The following LHFPL3 variants were observed in gnomAD, a reference collection of about 807,000 sequenced individuals.
The protein encoded by LHFPL3 is LHFPL tetraspan subfamily member 3 protein.
In LHFPL3, 5 loss-of-function variants were observed where a neutral mutation model predicts 19.3. The observed-to-expected ratio is 0.26, with a 90% CI of 0.14 to 0.54. The LOEUF (loss-of-function observed/expected upper bound fraction) is 0.54, where lower values mean the gene tolerates loss of function less well. Ranked by LOEUF, LHFPL3 falls within the 20% of genes least tolerant of loss-of-function variation. The pLI, the probability that LHFPL3 is intolerant of heterozygous loss-of-function variation, is 0.94. For synonymous variants in LHFPL3, 133 were observed against 126.2 expected, an observed-to-expected ratio of 1.05 and a Z score of -0.36; for missense variants, 249 against 307.4, an observed-to-expected ratio of 0.81 and a Z score of 1.42.
chr7:104,331,882 G>A lies in LHFPL3; in HGVS notation c.445+2658G>A, dbSNP rs193153560. Among the ~76,000 whole-genome samples the A allele has an allele frequency of 2.2e-3, 339 of 151,916 alleles. 2 individuals are homozygous for A. Among genetic ancestry groups the A allele is most frequent in the East Asian group, 7.4e-3 (38 of 5,158 alleles). On this transcript the variant is annotated intron_variant, in intron 1 of 2. Transcript: ENST00000424859. ...GGAGAATCTCTTGAGCTTGGGAGGC[G>A]GAAGCTGCAGTGAGCCGAGATTGCA...
At chr7:104,552,318 C>G (rs1344536716) in intron 1 of LHFPL3, among the ~76,000 whole-genome samples, 1 of 152,164 alleles carries the variant, frequency 6.6e-6, no homozygotes, top group Non-Finnish European at 1.5e-5. Flanking sequence ...GACAGCTCAA[C>G]GTGAGCAGGA....
chr7:104,416,573 G>A (rs1791627269), intron 1 of LHFPL3, among the ~76,000 whole-genome samples: 1 of 152,166 alleles, frequency 6.6e-6, no homozygotes, highest in South Asian at 2.1e-4. Context: ...GGAGGCTTGG[G>A]AAAAGGGGGT....
intron 2 of LHFPL3, among the ~76,000 whole-genome samples, chr7:104,840,257 C>A (rs1791171251): frequency 6.7e-6 from 1 of 149,804 alleles, no homozygotes; most frequent in Admixed American, 6.6e-5. Flanking sequence ...AATTAAAAAT[C>A]ATTTTCTTGA....
At chr7:104,675,604 T>G (rs948345588) in intron 1 of LHFPL3, among the ~76,000 whole-genome samples, 1 of 152,164 alleles carries the variant, frequency 6.6e-6, no homozygotes, top group Non-Finnish European at 1.5e-5. Flanking sequence ...AGGTGGGATA[T>G]CATAGCAACT....
chr7:104,675,394 C>T (rs1466369474), intron 1 of LHFPL3, among the ~76,000 whole-genome samples: 1 of 152,176 alleles, frequency 6.6e-6, no homozygotes, highest in African/African-American at 2.4e-5. Context: ...TTCCTTTGGC[C>T]TTCGCTCTAC....
At position 104,415,900 on chromosome 7, in the gene LHFPL3, T is replaced by A. The variant is rs116887036; in HGVS notation, c.445+86676T>A. Among the ~76,000 whole-genome samples, 1,265 of 152,302 alleles carry A rather than the reference T, an allele frequency of 8.3e-3. 75 individuals carry two copies. In the East Asian group the frequency reaches 0.16, roughly 19 times the overall value. ...AGCATGAAGTGTAAGGACGTCTCAC[T>A]GCTGCCACCAAGCAGCAGACATTGC... On this transcript the variant is annotated intron_variant, in intron 1 of 2. Transcript: ENST00000424859.
At chr7:104,351,605 A>T (rs1790175493) in intron 1 of LHFPL3, among the ~76,000 whole-genome samples, 1 of 152,190 alleles carries the variant, frequency 6.6e-6, no homozygotes, top group South Asian at 2.1e-4. Context: ...TCATAGTTTA[A>T]AATTTTACTT....
intron 2 of LHFPL3, among the ~76,000 whole-genome samples, chr7:104,820,873 C>T (rs1457431711): frequency 2.0e-5 from 3 of 152,136 alleles, no homozygotes; most frequent in Non-Finnish European, 2.9e-5. Flanking sequence ...ACACAGTTAA[C>T]GCCTCATCCA....
chr7:104,355,788 G>A (rs946102872), intron 1 of LHFPL3, among the ~76,000 whole-genome samples: 9 of 152,126 alleles, frequency 5.9e-5, no homozygotes, highest in Non-Finnish European at 1.0e-4. Context: ...ACTACATAGC[G>A]GCAAAGGCTC....
chr7:104,708,067 T>C (rs1008218976), intron 1 of LHFPL3, among the ~76,000 whole-genome samples: 4 of 152,306 alleles, frequency 2.6e-5, no homozygotes, highest in African/African-American at 9.6e-5. Flanking sequence ...CTTGAACTAT[T>C]TTCCCCTTGC....
intron 2 of LHFPL3, among the ~76,000 whole-genome samples, chr7:104,879,437 G>A (rs1448514507): frequency 6.6e-6 from 1 of 151,928 alleles, no homozygotes; most frequent in Admixed American, 6.6e-5. Context: ...ATTTTAAGGT[G>A]GACTAGGGGC....
chr7:104,622,586 C>G (rs995114996), intron 1 of LHFPL3, among the ~76,000 whole-genome samples: 3 of 152,084 alleles, frequency 2.0e-5, no homozygotes, highest in African/African-American at 7.2e-5. Flanking sequence ...ATCCTCATAC[C>G]CATTAGCAAT....
intron 2 of LHFPL3, among the ~76,000 whole-genome samples, chr7:104,871,657 CA>C (rs1286488317): frequency 1.3e-5 from 2 of 151,826 alleles, no homozygotes; most frequent in African/African-American, 4.8e-5. Flanking sequence ...ACAGCTGCAC[CA>C]AAAATAATTT....
chr7:104,764,806 T>C (rs1454044055), intron 2 of LHFPL3, among the ~76,000 whole-genome samples: 1 of 152,246 alleles, frequency 6.6e-6, no homozygotes, highest in African/African-American at 2.4e-5. Context: ...ATTTACAATA[T>C]GTTTTTATAT....
In LHFPL3 at chr7:104,881,443, G is replaced by A. The variant is rs537433473; in HGVS notation, c.683-24744G>A. Among the ~76,000 whole-genome samples, 136 of 152,262 alleles carry A rather than the reference G, an allele frequency of 8.9e-4. 2 individuals carry two copies. The highest frequency in any genetic ancestry group is 3.0e-3 in the African/African-American group (123 of 41,544). ...GTCTTGACTTGATTTCAAGACTTCC[G>A]TGGAGGAAGTAATGCAGATGTGGTG... On this transcript the variant is annotated intron_variant, in intron 2 of 2. Transcript: ENST00000424859.
In LHFPL3 at chr7:104,619,875, C is replaced by T. The variant is rs374910359; in HGVS notation, c.446-116800C>T. Reference sequence around the variant, plus strand: ...ATGGGGCAGGTGGGGCAGCAGGGGGCGGGAATGGTTTCGGGATGAACTGTT... The same window carrying T: ...ATGGGGCAGGTGGGGCAGCAGGGGGTGGGAATGGTTTCGGGATGAACTGTT... On this transcript the variant is annotated intron_variant, in intron 1 of 2. Transcript: ENST00000424859. 8.6e-5 allele frequency among the ~76,000 whole-genome samples: 13 copies of T among 151,812 alleles called. No individual in the cohort carries two copies. The East Asian group carries it at 1.6e-3, about 18-fold the overall frequency.
intron 1 of LHFPL3, chr7:104,668,583 A>G (rs1181244372): frequency 8.1e-6 from 13 of 1,612,754 alleles, no homozygotes; most frequent in Admixed American, 1.7e-5. Flanking sequence ...AGCATTTGGC[A>G]GTGGGTATCG....
chr7:104,519,677 G>A (rs1453677447), intron 1 of LHFPL3, among the ~76,000 whole-genome samples: 2 of 152,046 alleles, frequency 1.3e-5, no homozygotes, highest in Non-Finnish European at 2.9e-5. Flanking sequence ...TAAAAAATCT[G>A]CTGAACAGGA....
Position 104,465,877 on chromosome 7 carries a change from G to C in LHFPL3, c.445+136653G>C, listed in dbSNP as rs1270054564. On this transcript the variant is annotated intron_variant, in intron 1 of 2. Coordinates refer to ENST00000424859, the MANE Select transcript of LHFPL3 (RefSeq NM_199000.3). ...TTGTTTGATTCCGTTGTAATTGCAG[G>C]GTTTTGAGTAATTTTTTTAGTTTTG... 2.6e-5 allele frequency among the ~76,000 whole-genome samples: 4 copies of C among 152,094 alleles called. No individual in the cohort carries two copies. The South Asian group carries it at 8.3e-4, about 32-fold the overall frequency.
Sources: gnomAD v4.1 joint callset for allele counts (sites outside exome capture counted in the v4.1 genomes callset) on GRCh38, gnomAD v4.1.1 for gene constraint, MANE v1.5 for transcripts, NCBI Gene and HGNC (gene_info 2026-07-23, HGNC 2026-07-21) for gene names.